The following KAZN variants were observed in gnomAD, a reference collection of about 807,000 sequenced individuals.
KAZN encodes the protein kazrin.
In KAZN, 40 loss-of-function variants were observed where a neutral mutation model predicts 87.4. That is an observed-to-expected ratio of 0.46 (90% CI 0.36 to 0.60). KAZN has a LOEUF of 0.60. KAZN is among the 20% of genes least tolerant of loss of function. KAZN has a pLI of 0.00. For synonymous variants in KAZN, 466 were observed against 458.3 expected (o/e 1.02, Z -0.22); for missense variants, 898 against 1,073.9 (o/e 0.84, Z 2.29).
At chr1:14,561,518 T>C (rs1674250888) in intron 2 of KAZN, among the ~76,000 whole-genome samples, 1 of 152,124 alleles carries the variant, frequency 6.6e-6, no homozygotes, top group South Asian at 2.1e-4. Context: ...TGACCAGAAA[T>C]GCAGATCAGT....
intron 1 of KAZN, among the ~76,000 whole-genome samples, chr1:14,619,584 G>C (rs1001428479): frequency 6.6e-6 from 1 of 152,026 alleles, no homozygotes; most frequent in African/African-American, 2.4e-5. Context: ...CAATTCACTG[G>C]CGTTAAAAGT....
At chr1:14,402,109 A>C (rs1451838912) in intron 2 of KAZN, among the ~76,000 whole-genome samples, 1 of 151,850 alleles carries the variant, frequency 6.6e-6, no homozygotes, top group Non-Finnish European at 1.5e-5. Flanking sequence ...AAGAGAACAT[A>C]TATATTTTCA....
intron 1 of KAZN, among the ~76,000 whole-genome samples, chr1:14,130,651 A>G (rs1264990220): frequency 6.6e-6 from 1 of 152,146 alleles, no homozygotes; most frequent in Non-Finnish European, 1.5e-5. Context: ...TTTAGTAACC[A>G]GAAAGCTGTG....
chr1:14,139,201 T>C (rs753850522), intron 1 of KAZN, among the ~76,000 whole-genome samples: 3 of 152,162 alleles, frequency 2.0e-5, no homozygotes, highest in African/African-American at 4.8e-5. Context: ...GGCCACTCCT[T>C]TGCTCCTATC....
intron 2 of KAZN, among the ~76,000 whole-genome samples, chr1:15,023,542 G>A (rs189717215): frequency 3.9e-5 from 6 of 152,294 alleles, no homozygotes; most frequent in Admixed American, 3.3e-4. Flanking sequence ...AATGTGAGCT[G>A]GGGGAGGATG....
At chr1:13,932,160 G>T (rs1173593371) in intron 1 of KAZN, among the ~76,000 whole-genome samples, 1 of 151,084 alleles carries the variant, frequency 6.6e-6, no homozygotes, top group Non-Finnish European at 1.5e-5. Context: ...GCCCAGTCAA[G>T]TTTTACATTT....
chr1:13,913,170 C>T (rs1639715872), intron 1 of KAZN, among the ~76,000 whole-genome samples: 1 of 152,090 alleles, frequency 6.6e-6, no homozygotes, highest in African/African-American at 2.4e-5. Flanking sequence ...CTAGGGCATA[C>T]AGGAGAGACA....
chr1:15,092,064 T>G (rs1640564129), intron 8 of KAZN, among the ~76,000 whole-genome samples: 1 of 149,852 alleles, frequency 6.7e-6, no homozygotes, highest in Non-Finnish European at 1.5e-5. Context: ...TTTTTTGTTT[T>G]TTTTTTTGAT....
chr1:14,665,063 T>C (rs1639437334), intron 1 of KAZN, among the ~76,000 whole-genome samples: 1 of 152,230 alleles, frequency 6.6e-6, no homozygotes, highest in South Asian at 2.1e-4. Context: ...ACTGGTTCGA[T>C]ATTTTTACAT....
intron 1 of KAZN, among the ~76,000 whole-genome samples, chr1:14,179,379 T>C (rs1646149066): frequency 6.6e-6 from 1 of 152,260 alleles, no homozygotes; most frequent in Non-Finnish European, 1.5e-5. Flanking sequence ...TGCTTTTTCA[T>C]ATTTTCTCAA....
At chr1:14,661,665 G>A (rs868403412) in intron 1 of KAZN, among the ~76,000 whole-genome samples, 2 of 95,522 alleles carry the variant, frequency 2.1e-5, no homozygotes, top group African/African-American at 8.0e-5. Context: ...TGGGGGACGG[G>A]GGGGCGGGAG....
At chr1:14,549,635 G>T (rs1354647449) in intron 2 of KAZN, among the ~76,000 whole-genome samples, 1 of 148,092 alleles carries the variant, frequency 6.8e-6, no homozygotes, top group Non-Finnish European at 1.5e-5. Context: ...TTTTATTCAG[G>T]ACAAGGAACT....
At chr1:14,368,180 G>C (rs549484418) in intron 2 of KAZN, among the ~76,000 whole-genome samples, 1 of 152,024 alleles carries the variant, frequency 6.6e-6, no homozygotes. Flanking sequence ...GAGGGTATAC[G>C]GTGCAAGGAA....
intron 2 of KAZN, among the ~76,000 whole-genome samples, chr1:14,302,215 A>C (rs1654605044): frequency 6.6e-6 from 1 of 152,126 alleles, no homozygotes; most frequent in Non-Finnish European, 1.5e-5. Context: ...AATGAATGAC[A>C]AGTTTGGGAG....
intron 1 of KAZN, among the ~76,000 whole-genome samples, chr1:14,793,611 T>C (rs1167222992): frequency 6.6e-6 from 1 of 152,046 alleles, no homozygotes; most frequent in Non-Finnish European, 1.5e-5. Context: ...GTGCCTAGAA[T>C]GGTGGGTGGC....
chr1:14,819,633 T>G (rs1646676650), intron 1 of KAZN, among the ~76,000 whole-genome samples: 1 of 152,004 alleles, frequency 6.6e-6, no homozygotes, highest in South Asian at 2.1e-4. Flanking sequence ...CTGCCTGCAT[T>G]TCCAGCCTGC....
At chr1:13,911,702 A>G (rs1414904011) in intron 1 of KAZN, among the ~76,000 whole-genome samples, 3 of 152,218 alleles carry the variant, frequency 2.0e-5, no homozygotes, top group African/African-American at 7.2e-5. Context: ...CTGGGAGGCC[A>G]GACAGAAGCA....
intron 2 of KAZN, among the ~76,000 whole-genome samples, chr1:14,216,150 C>T (rs1264808227): frequency 6.6e-6 from 1 of 152,004 alleles, no homozygotes; most frequent in East Asian, 1.9e-4. Flanking sequence ...TTAATAGCAA[C>T]AAGGGCCCAC....
chr1:14,380,906 A>G (rs536196886), intron 2 of KAZN, among the ~76,000 whole-genome samples: 4 of 152,374 alleles, frequency 2.6e-5, no homozygotes, highest in South Asian at 2.1e-4. Context: ...AACCCAAAGA[A>G]GACTACATCA....
Sources: gnomAD v4.1 joint callset for allele counts (sites outside exome capture counted in the v4.1 genomes callset) on GRCh38, gnomAD v4.1.1 for gene constraint, MANE v1.5 for transcripts, NCBI Gene and HGNC (gene_info 2026-07-23, HGNC 2026-07-21) for gene names.